The following PTPRG variants were observed in gnomAD, a reference collection of about 807,000 sequenced individuals.
PTPRG encodes receptor-type tyrosine-protein phosphatase gamma.
Under a neutral mutation model 165.3 loss-of-function variants are expected in PTPRG, and 102 were observed. That is an observed-to-expected ratio of 0.62 (90% CI 0.53 to 0.73). The LOEUF (loss-of-function observed/expected upper bound fraction) is 0.73. Among genes scored for constraint, PTPRG ranks in the 30% least tolerant of loss-of-function variants. The probability of loss-of-function intolerance (pLI) is 0.00; values close to 1 mark genes in which losing one functional copy is unlikely to be tolerated. For synonymous variants in PTPRG, 675 were observed against 669.5 expected (o/e 1.01, Z -0.13); for missense variants, 1,866 against 1,861.4 (o/e 1.00, Z -0.05).
At chr3:62,286,747 T>C (rs1258276282) in intron 28 of PTPRG, among the ~76,000 whole-genome samples, 1 of 152,128 alleles carries the variant, frequency 6.6e-6, no homozygotes, top group Non-Finnish European at 1.5e-5. Context: ...TCAAAGCCAG[T>C]GAATTTATAT....
intron 4 of PTPRG, among the ~76,000 whole-genome samples, chr3:62,071,679 T>C (rs1701215230): frequency 6.6e-6 from 1 of 152,206 alleles, no homozygotes; most frequent in African/African-American, 2.4e-5. Context: ...CTCCTGCCAA[T>C]TGGAAGGAAG....
chr3:61,710,632 C>T (rs1194925680), intron 1 of PTPRG, among the ~76,000 whole-genome samples: 2 of 151,656 alleles, frequency 1.3e-5, no homozygotes, highest in Admixed American at 6.6e-5. Flanking sequence ...TTTTAAAGCT[C>T]ATTAGCTATT....
At chr3:62,107,769 A>G (rs1047224572) in intron 5 of PTPRG, among the ~76,000 whole-genome samples, 1 of 152,218 alleles carries the variant, frequency 6.6e-6, no homozygotes, top group Non-Finnish European at 1.5e-5. Flanking sequence ...TTCATTCATT[A>G]CATGTTTATT....
At chr3:61,735,144 T>C (rs774353018) in intron 1 of PTPRG, among the ~76,000 whole-genome samples, 11 of 152,250 alleles carry the variant, frequency 7.2e-5, no homozygotes, top group Non-Finnish European at 1.3e-4. Context: ...GAAATTGCTT[T>C]TAGAGCTATT....
intron 2 of PTPRG, among the ~76,000 whole-genome samples, chr3:61,832,978 T>C (rs1267206556): frequency 4.6e-5 from 7 of 152,264 alleles, no homozygotes; most frequent in Admixed American, 3.3e-4. Flanking sequence ...ATTCCTGAGT[T>C]ATATCACTTA....
At chr3:62,272,849 TAATAA>T (rs895249364) in intron 21 of PTPRG, 92 bp from the exon 22 acceptor site, 12 of 1,324,858 alleles carry the variant, frequency 9.1e-6, no homozygotes, top group African/African-American at 3.1e-5. Flanking sequence ...CTCAGAAAAA[TAATAA>T]AATAAATGGG....
intron 1 of PTPRG, among the ~76,000 whole-genome samples, chr3:61,565,933 G>T (rs1559505578): frequency 1.3e-5 from 2 of 151,996 alleles, no homozygotes; most frequent in Non-Finnish European, 2.9e-5. Context: ...GTGTGAGATT[G>T]TACAGGTTTT....
chr3:61,840,616 CAT>C (rs1559642548), intron 2 of PTPRG, among the ~76,000 whole-genome samples: 3 of 152,152 alleles, frequency 2.0e-5, no homozygotes, highest in Middle Eastern at 3.4e-3. Context: ...ATCAAAGAAT[CAT>C]TGATGACTGG....
chr3:61,683,209 A>G (rs1703510526), intron 1 of PTPRG, among the ~76,000 whole-genome samples: 1 of 152,210 alleles, frequency 6.6e-6, no homozygotes, highest in Admixed American at 6.5e-5. Flanking sequence ...GGCTATAAAG[A>G]TCAGCACAAT....
At chr3:62,134,392 C>A (rs1422371856) in intron 6 of PTPRG, among the ~76,000 whole-genome samples, 1 of 152,196 alleles carries the variant, frequency 6.6e-6, no homozygotes, top group African/African-American at 2.4e-5. Context: ...CTCTCATGGA[C>A]CTAGAAGGGA....
At chr3:61,900,054 T>A (rs1045742969) in intron 2 of PTPRG, among the ~76,000 whole-genome samples, 9 of 152,206 alleles carry the variant, frequency 5.9e-5, no homozygotes, top group Non-Finnish European at 1.2e-4. Context: ...TGTAATTTTC[T>A]AACACAGTTT....
At chr3:61,907,950 G>A (rs1427736424) in intron 2 of PTPRG, among the ~76,000 whole-genome samples, 3 of 150,914 alleles carry the variant, frequency 2.0e-5, no homozygotes, top group African/African-American at 7.4e-5. Context: ...CGAGACCCCC[G>A]TCTCTGTGGA....
At chr3:62,047,883 T>A (rs528927167) in intron 4 of PTPRG, among the ~76,000 whole-genome samples, 1 of 152,286 alleles carries the variant, frequency 6.6e-6, no homozygotes, top group South Asian at 2.1e-4. Context: ...AGGTTTACAT[T>A]TACAGGATCG....
intron 1 of PTPRG, among the ~76,000 whole-genome samples, chr3:61,567,230 G>A (rs1699934119): frequency 6.6e-6 from 1 of 152,120 alleles, no homozygotes; most frequent in Non-Finnish European, 1.5e-5. Flanking sequence ...TTCCACCTGA[G>A]CTTGATCTAG....
Position 62,297,445 on chromosome 3 carries a change from G to T in PTPRG, c.*4138G>T, listed in dbSNP as rs190177436. 6.7e-6 allele frequency: 1 copy of T among 149,372 alleles called. No homozygotes were observed. The highest frequency in any genetic ancestry group is 2.5e-5 in the African/African-American group (1 of 40,692). 9.3% of individuals were successfully genotyped at this position (149,372 alleles called of 1,614,324 possible). A position where few individuals can be genotyped will look rare whatever the true frequency, so the allele number is the denominator to read the frequency against. Reference sequence around the variant, plus strand: ...CGTCACATTGACCCATTTGGAAAAAGTGTGCTTTTTTTTTTTTTTTAAATT... The same window carrying T: ...CGTCACATTGACCCATTTGGAAAAATTGTGCTTTTTTTTTTTTTTTAAATT... On this transcript the variant is annotated 3_prime_UTR_variant, in exon 30 of 30. Coordinates refer to ENST00000474889, the MANE Select transcript of PTPRG (RefSeq NM_002841.4).
Position 62,055,916 on chromosome 3 carries a change from G to A in PTPRG, c.520-22247G>A, listed in dbSNP as rs1000539046. Among the ~76,000 whole-genome samples, 25 of 152,230 alleles carry A rather than the reference G, an allele frequency of 1.6e-4. No homozygotes were observed. In the South Asian group the frequency reaches 2.1e-3, roughly 13 times the overall value. ...CCTGTTTATAAATTTTCCAAATAAG[G>A]TGACAGTCATAGGTATACAGAGGAT... On this transcript the variant is annotated intron_variant, in intron 4 of 29. Transcript: ENST00000474889.
intron 1 of PTPRG, among the ~76,000 whole-genome samples, chr3:61,655,756 C>T (rs1277849381): frequency 1.3e-5 from 2 of 152,114 alleles, no homozygotes; most frequent in Non-Finnish European, 2.9e-5. Flanking sequence ...CAGGCATATG[C>T]CATCATGCCT....
chr3:61,748,790 G>A (rs1020100421), intron 1 of PTPRG, 88 bp from the exon 2 acceptor site: 22 of 1,022,302 alleles, frequency 2.2e-5, no homozygotes, highest in African/African-American at 2.1e-4. Flanking sequence ...ATGATTCTAC[G>A]AAGTCACCCA....
chr3:62,178,123 A>G (rs1705500999), intron 8 of PTPRG, among the ~76,000 whole-genome samples: 1 of 149,182 alleles, frequency 6.7e-6, no homozygotes, highest in Non-Finnish European at 1.5e-5. Flanking sequence ...GTGTGGATCC[A>G]CAAATGGATG....
Sources: allele counts gnomAD v4.1 joint callset (sites outside exome capture counted in the v4.1 genomes callset), GRCh38; gene constraint gnomAD v4.1.1; transcripts MANE v1.5; gene names NCBI Gene and HGNC (gene_info 2026-07-23, HGNC 2026-07-21).